PLCD3: variants seen among roughly 807,000 people sequenced by gnomAD.
PLCD3 encodes phospholipase C delta 3.
Under a neutral mutation model 82.8 loss-of-function variants are expected in PLCD3, and 62 were observed. That is an observed-to-expected ratio of 0.75 (90% CI 0.61 to 0.93). The LOEUF (loss-of-function observed/expected upper bound fraction) is 0.93. Ranked by LOEUF, PLCD3 falls within the 40% of genes least tolerant of loss-of-function variation. The pLI is 0.00. For synonymous variants in PLCD3, 478 were observed against 471.8 expected (o/e 1.01, Z -0.17); for missense variants, 1,023 against 1,103.4 (o/e 0.93, Z 1.03).
intron 1 of PLCD3, among the ~76,000 whole-genome samples, chr17:45,122,067 G>A (rs949274040): frequency 6.6e-6 from 1 of 152,000 alleles, no homozygotes; most frequent in African/African-American, 2.4e-5. Flanking sequence ...ATGTGAAACC[G>A]TAGCCATCAG....
intron 8 of PLCD3, 177 bp from the exon 9 acceptor site, chr17:45,115,667 C>T: frequency 1.6e-6 from 1 of 607,462 alleles, no homozygotes; most frequent in Non-Finnish European, 2.9e-6. Flanking sequence ...CCCGGGAGGC[C>T]ATCAGGAAGG....
intron 3 of PLCD3, among the ~76,000 whole-genome samples, chr17:45,120,691 G>T (rs968861074): frequency 3.9e-5 from 6 of 152,172 alleles, no homozygotes; most frequent in Admixed American, 6.5e-5. Flanking sequence ...CCTGAAGGAG[G>T]CGCCGCGCCA....
intron 11 of PLCD3, 49 bp from the exon 12 acceptor site, chr17:45,113,654 C>T: frequency 1.3e-6 from 2 of 1,539,736 alleles, no homozygotes; most frequent in African/African-American, 1.4e-5. Context: ...GCCCTGTTCT[C>T]ACTACTCAGT....
At position 45,112,479 on chromosome 17, in the gene PLCD3, C is replaced by T. The variant is rs2054250801; in HGVS notation, c.*137G>A. On this transcript the variant is annotated 3_prime_UTR_variant, in exon 15 of 15. Transcript: ENST00000619929. ...CTCAGCACCCAGGTGAGACCAGCGCCTGGTGAATGGGCTGAGTGGGCCAAG... is the reference window on the plus strand; with the variant it reads ...CTCAGCACCCAGGTGAGACCAGCGCTTGGTGAATGGGCTGAGTGGGCCAAG... The T allele has an allele frequency of 2.1e-6, 2 of 954,268 alleles. No individual in the cohort carries two copies. The highest frequency in any genetic ancestry group is 3.2e-6 in the Non-Finnish European group (2 of 625,252). The allele number at this position is 954,268 out of a possible 1,614,324, so 59.1% of individuals were successfully genotyped here. A position where few individuals can be genotyped will look rare whatever the true frequency, so the allele number is the denominator to read the frequency against.
At position 45,109,419 on chromosome 17, in the gene PLCD3, C is replaced by T. The variant is rs2054225639; in HGVS notation, c.*3197G>A. 1 of 152,430 alleles carries T rather than the reference C, an allele frequency of 6.6e-6. No homozygotes were observed. The highest frequency in any genetic ancestry group is 2.1e-4 in the South Asian group (1 of 4,840). 9.4% of individuals were successfully genotyped at this position (152,430 alleles called of 1,614,324 possible). ...CCCACTGTGCCCAGGTGCCACATCT[C>T]TCCTCCTGCACCACTGGCCGGGTGG... On this transcript the variant is annotated 3_prime_UTR_variant, in exon 15 of 15. Coordinates refer to ENST00000619929, the MANE Select transcript of PLCD3 (RefSeq NM_133373.5).
intron 11 of PLCD3, among the ~76,000 whole-genome samples, chr17:45,113,909 G>A (rs1175038385): frequency 6.6e-6 from 1 of 152,134 alleles, no homozygotes; most frequent in African/African-American, 2.4e-5. Context: ...CTTACCCCAA[G>A]GAGACGATAC....
rs748975038 is a variant in PLCD3, at chr17:45,116,564, G to C, written c.1413+68C>G. ...GGGTCCTGAGCCACAGAGGTGGCAC[G>C]AGCAGTGCGGGGAGGCGGACTCCCA... On this transcript the variant is annotated intron_variant, in intron 8 of 14. Coordinates refer to ENST00000619929, the MANE Select transcript of PLCD3 (RefSeq NM_133373.5). 4 of 1,444,580 alleles carry C rather than the reference G, an allele frequency of 2.8e-6. No homozygotes were observed. The Admixed American group carries it at 7.3e-5, about 26-fold the overall frequency. The allele number at this position is 1,444,580 out of a possible 1,614,324, so 89.5% of individuals were successfully genotyped here.
In PLCD3 at chr17:45,126,045, ATT is replaced by A. The variant is rs71275948; in HGVS notation, c.164-4675_164-4674del. On this transcript the variant is annotated intron_variant, in intron 1 of 14. Coordinates refer to ENST00000619929, the MANE Select transcript of PLCD3 (RefSeq NM_133373.5). ...AATTTCATTATATATATTTTACCAT[ATT>A]TTTTTTTTTTTTTTGAGATGGAGTC... Among the ~76,000 whole-genome samples, 389 of 138,588 alleles carry A rather than the reference ATT, an allele frequency of 2.8e-3. 1 individual carries two copies. The highest frequency in any genetic ancestry group is 8.9e-3 in the South Asian group (39 of 4,390). 90.9% of individuals were successfully genotyped at this position (138,588 alleles called of 152,430 possible). A position where few individuals can be genotyped will look rare whatever the true frequency, so the allele number is the denominator to read the frequency against.
intron 4 of PLCD3, 91 bp downstream of exon 4, chr17:45,120,234 G>A: frequency 1.3e-6 from 2 of 1,545,766 alleles, no homozygotes; most frequent in Non-Finnish European, 1.8e-6. Flanking sequence ...AGGTGGAGAG[G>A]GCAGGGGAGC....
intron 8 of PLCD3, 119 bp from the exon 9 acceptor site, chr17:45,115,609 G>A: frequency 1.2e-6 from 1 of 856,576 alleles, no homozygotes; most frequent in Non-Finnish European, 1.8e-6. Context: ...GGCAGGAAAG[G>A]AGACACAGAG....
intron 1 of PLCD3, among the ~76,000 whole-genome samples, chr17:45,128,902 G>A (rs2054400851): frequency 6.6e-6 from 1 of 152,228 alleles, no homozygotes; most frequent in African/African-American, 2.4e-5. Context: ...GAGCGGCCAG[G>A]AGGCCCCCTG....
In PLCD3 at chr17:45,113,140, C is replaced by G; in HGVS notation, c.2113G>C (p.Asp705His). 1 of 1,613,506 alleles carries G rather than the reference C, an allele frequency of 6.2e-7. No individual in the cohort carries two copies. Among genetic ancestry groups the G allele is most frequent in the African/African-American group, 1.3e-5 (1 of 75,056 alleles). ...VPADCARQET[D>H]YVLNNGFNPR... ...TGCCCACCATTGTTGAGCACGTAGT[C>G]AGTCTCCTGCCGGGCACAGTCTGCG... Residue 705 changes from aspartate (D) to histidine (H), a missense_variant, in exon 13 of 15, where the codon GAC becomes CAC. By Grantham distance (81) the Asp-to-His change is moderately conservative. Transcript: ENST00000619929.
At chr17:45,127,638 G>A (rs1265233251) in intron 1 of PLCD3, among the ~76,000 whole-genome samples, 1 of 152,200 alleles carries the variant, frequency 6.6e-6, no homozygotes, top group Non-Finnish European at 1.5e-5. Flanking sequence ...GTGCAGTGGA[G>A]ACAGGCGCCA....
intron 11 of PLCD3, 80 bp from the exon 12 acceptor site, chr17:45,113,685 T>A: frequency 6.7e-7 from 1 of 1,485,880 alleles, no homozygotes; most frequent in East Asian, 2.5e-5. Flanking sequence ...TGCATTCCTC[T>A]CTACAAAGGG....
rs1484752542 is a variant in PLCD3, at chr17:45,118,129, G to T, written c.1125C>A (p.Ala375=). 1 of 1,613,966 alleles carries T rather than the reference G, an allele frequency of 6.2e-7. No individual in the cohort carries two copies. Among genetic ancestry groups the T allele is most frequent in the Non-Finnish European group, 8.5e-7 (1 of 1,179,880 alleles). Residue 375 remains alanine (A), a synonymous_variant, in exon 7 of 15, where the codon GCC becomes GCA. Coordinates refer to ENST00000619929, the MANE Select transcript of PLCD3 (RefSeq NM_133373.5). The surrounding 1 kb of genome is among the most constrained non-coding windows in gnomAD (Gnocchi z 4.1). ...SSTEAYVRAF[A]QGCRCVELDC... is the part of the protein sequence containing the mutation. Reference sequence around the variant, plus strand: ...CCAGCTCCACGCAGCGGCATCCCTGGGCAAAGGCCCTGTGTGTGGACAGAT... The same window carrying T: ...CCAGCTCCACGCAGCGGCATCCCTGTGCAAAGGCCCTGTGTGTGGACAGAT...
In PLCD3 at chr17:45,121,287, C is replaced by T; in HGVS notation, c.249G>A (p.Arg83=). The T allele has an allele frequency of 6.3e-7, 1 of 1,585,760 alleles. No homozygotes were observed. The highest frequency in any genetic ancestry group is 8.5e-7 in the Non-Finnish European group (1 of 1,174,346). Residue 83 remains arginine (R), a synonymous_variant, in exon 2 of 15, where the codon CGG becomes CGA. Transcript: ENST00000619929. The stretch of plus-strand genomic sequence containing the variant: ...GGCCGTCCTCCTGCAGCCGGTACAG[C>T]CGCTCCTTGTGCCACGTGCGCGAGC... ...KIRSRTWHKE[R]LYRLQEDGLS... is the part of the protein sequence containing the mutation.
In PLCD3 at chr17:45,116,669, AGCGCCT is replaced by A. The variant is rs778300724; in HGVS notation, c.1370_1375del (p.Gln457_Ala458del). 6.2e-7 allele frequency: 1 copy of A among 1,609,242 alleles called. No individual in the cohort carries two copies. Among genetic ancestry groups the A allele is most frequent in the South Asian group, 1.1e-5 (1 of 90,666 alleles). On this transcript the variant is annotated inframe_deletion, in exon 8 of 15. Transcript: ENST00000619929. Reference sequence around the variant, plus strand: ...CAGCTCCTCGGGATTTGGGGAGTCCAGCGCCTGTGTCACCAGCATGTCCCCCAGGAT... The same window carrying A: ...CAGCTCCTCGGGATTTGGGGAGTCCAGTGTCACCAGCATGTCCCCCAGGAT...
chr17:45,130,470 C>G (rs1020169500), intron 1 of PLCD3, among the ~76,000 whole-genome samples: 2 of 152,176 alleles, frequency 1.3e-5, no homozygotes, highest in East Asian at 3.8e-4. Context: ...GGGGCCTCCC[C>G]TCAGCCCTTC....
rs2054305771 is a variant in PLCD3 at position 45,118,140 on chromosome 17, T to C, written c.1116-2A>G. On this transcript the variant is annotated splice_acceptor_variant, in intron 6 of 14. Coordinates refer to ENST00000619929, the MANE Select transcript of PLCD3 (RefSeq NM_133373.5). LOFTEE classifies it high-confidence loss of function. The surrounding 1 kb of genome is among the most constrained non-coding windows in gnomAD (Gnocchi z 4.1). ...CAGCGGCATCCCTGGGCAAAGGCCC[T>C]GTGTGTGGACAGATGGGTGGACGGG... The C allele has an allele frequency of 1.2e-6, 2 of 1,613,762 alleles. No individual in the cohort carries two copies. The highest frequency in any genetic ancestry group is 1.7e-5 in the Admixed American group (1 of 59,998).
Sources: gnomAD v4.1 joint callset for allele counts (sites outside exome capture counted in the v4.1 genomes callset) on GRCh38, gnomAD v4.1.1 for gene constraint, Gnocchi (gnomAD v3.1) non-coding constraint, MANE v1.5 for transcripts, NCBI Gene and HGNC (gene_info 2026-07-23, HGNC 2026-07-21) for gene names.